The following IKZF2 variants were observed in gnomAD, a reference collection of about 807,000 sequenced individuals.
IKZF2 encodes the protein zinc finger protein Helios.
In IKZF2, 15 loss-of-function variants were observed where a neutral mutation model predicts 49.2. The observed-to-expected ratio is 0.30, with a 90% CI of 0.20 to 0.47. The LOEUF is 0.47. IKZF2 is among the 20% of genes least tolerant of loss of function. The probability of loss-of-function intolerance (pLI) is 1.00; values close to 1 mark genes in which losing one functional copy is unlikely to be tolerated. For synonymous variants in IKZF2, 227 were observed against 221.4 expected, an observed-to-expected ratio of 1.03 and a Z score of -0.23; for missense variants, 567 against 664.6, an observed-to-expected ratio of 0.85 and a Z score of 1.61.
intron 6 of IKZF2, among the ~76,000 whole-genome samples, chr2:213,025,409 G>A (rs536188190): frequency 4.6e-5 from 7 of 152,108 alleles, no homozygotes; most frequent in East Asian, 3.9e-4. Flanking sequence ...CAACCAAAAC[G>A]AAGAGCATCA....
At chr2:213,019,003 T>C (rs1384091500) in intron 7 of IKZF2, among the ~76,000 whole-genome samples, 1 of 152,140 alleles carries the variant, frequency 6.6e-6, no homozygotes, top group Admixed American at 6.6e-5. Context: ...AAGTATGTAT[T>C]TCCTACCAGA....
chr2:213,056,872 C>G lies in IKZF2; in HGVS notation c.367G>C (p.Gly123Arg). The change falls in exon 5 of 9, where the codon GGG (glycine) becomes CGG (arginine). Residue 123 changes from glycine (G) to arginine (R), a missense_variant. By Grantham distance (125) the Gly-to-Arg change is moderately radical. This residue lies in a region of IKZF2 where 54 missense variants were observed against 119.9 expected (regional missense o/e 0.45). Coordinates refer to ENST00000434687, the MANE Select transcript of IKZF2 (RefSeq NM_001387220.1). ...TTATGTACCATAAGCACATTGGGCC[C>G]AATGCAAACCATGCCACAGACGTCA... is the stretch of plus-strand genomic sequence containing the variant. ...KCDVCGMVCI[G>R]PNVLMVHKRS... 6.2e-7 allele frequency: 1 copy of G among 1,613,806 alleles called. No individual in the cohort carries two copies.
At chr2:213,068,404 AAATAAAGGT>A (rs1216853760) in intron 4 of IKZF2, among the ~76,000 whole-genome samples, 1 of 152,192 alleles carries the variant, frequency 6.6e-6, no homozygotes, top group Non-Finnish European at 1.5e-5. Flanking sequence ...CTTTTCTGTG[AAATAAAGGT>A]AATGCTACCG....
At chr2:213,132,626 T>C (rs2125903242) in intron 4 of IKZF2, among the ~76,000 whole-genome samples, 1 of 152,280 alleles carries the variant, frequency 6.6e-6, no homozygotes, top group African/African-American at 2.4e-5. Flanking sequence ...AGAGCTATAC[T>C]AGGAATTCAT....
chr2:213,015,076 A>G (rs1434491271), intron 7 of IKZF2: 2 of 152,072 alleles, frequency 1.3e-5, no homozygotes, highest in African/African-American at 4.8e-5. Flanking sequence ...AAAATAAGTG[A>G]GAAAGCAAGA....
chr2:213,129,396 G>T (rs2060392807), intron 4 of IKZF2, among the ~76,000 whole-genome samples: 2 of 150,126 alleles, frequency 1.3e-5, no homozygotes, highest in Non-Finnish European at 3.0e-5. Context: ...AGGCTTTCAT[G>T]CAAAACAAGG....
intron 7 of IKZF2, among the ~76,000 whole-genome samples, chr2:213,015,675 T>C (rs1304762434): frequency 6.6e-6 from 1 of 151,864 alleles, no homozygotes; most frequent in Non-Finnish European, 1.5e-5. Flanking sequence ...TACAAGCACT[T>C]ACTACATTAT....
chr2:213,008,260 ATT>A (rs202029776), intron 8 of IKZF2, among the ~76,000 whole-genome samples, 176 bp from the exon 9 acceptor site: 11 of 144,648 alleles, frequency 7.6e-5, no homozygotes, highest in Admixed American at 2.1e-4. Flanking sequence ...GCTCACACAC[ATT>A]TTTTTTTTTT....
At chr2:213,016,305 T>C (rs1574489136) in intron 7 of IKZF2, among the ~76,000 whole-genome samples, 1 of 152,246 alleles carries the variant, frequency 6.6e-6, no homozygotes, top group East Asian at 1.9e-4. Flanking sequence ...TACATCTAGT[T>C]AGTAGAGAAT....
chr2:213,056,039 A>G (rs1701121330), intron 5 of IKZF2, among the ~76,000 whole-genome samples: 1 of 152,116 alleles, frequency 6.6e-6, no homozygotes, highest in Non-Finnish European at 1.5e-5. Flanking sequence ...CGATCCTCCT[A>G]GCTTACCACT....
intron 4 of IKZF2, among the ~76,000 whole-genome samples, chr2:213,075,697 G>A (rs1703178661): frequency 6.6e-6 from 1 of 152,056 alleles, no homozygotes; most frequent in African/African-American, 2.4e-5. Flanking sequence ...GATATATACT[G>A]ACACAATAAC....
intron 4 of IKZF2, among the ~76,000 whole-genome samples, chr2:213,091,363 A>C (rs1373536403): frequency 6.6e-6 from 1 of 152,210 alleles, no homozygotes; most frequent in African/African-American, 2.4e-5. Context: ...GAAATGGAGA[A>C]ATATGTAGGA....
At chr2:213,136,048 C>CAA (rs534093528) in intron 4 of IKZF2, among the ~76,000 whole-genome samples, 69 of 105,440 alleles carry the variant, frequency 6.5e-4, no homozygotes, top group Admixed American at 3.5e-3. Flanking sequence ...GACTCCGTTT[C>CAA]AAAAAAAAAA....
intron 4 of IKZF2, among the ~76,000 whole-genome samples, chr2:213,057,682 G>A (rs879682085): frequency 6.6e-6 from 1 of 152,058 alleles, no homozygotes; most frequent in African/African-American, 2.4e-5. Flanking sequence ...ATTCAGTTTC[G>A]AGCTATATAA....
chr2:213,065,242 T>C (rs1702063710), intron 4 of IKZF2, among the ~76,000 whole-genome samples: 1 of 152,074 alleles, frequency 6.6e-6, no homozygotes. Flanking sequence ...CATGAGTGTT[T>C]TCTGAGCAAA....
chr2:213,038,247 G>C (rs922874652), intron 6 of IKZF2, among the ~76,000 whole-genome samples: 2 of 152,054 alleles, frequency 1.3e-5, no homozygotes, highest in Non-Finnish European at 2.9e-5. Flanking sequence ...TTTGAGTAGA[G>C]ACGGGGTTTC....
At chr2:213,082,575 G>A (rs1289533862) in intron 4 of IKZF2, among the ~76,000 whole-genome samples, 1 of 152,140 alleles carries the variant, frequency 6.6e-6, no homozygotes, top group South Asian at 2.1e-4. Flanking sequence ...AAGTTTATTG[G>A]ATTTAGAACT....
intron 4 of IKZF2, among the ~76,000 whole-genome samples, chr2:213,122,254 A>G (rs1304731644): frequency 6.6e-6 from 1 of 152,250 alleles, no homozygotes; most frequent in Non-Finnish European, 1.5e-5. Context: ...TGAAAAGCAG[A>G]GACTATTTTA....
intron 4 of IKZF2, among the ~76,000 whole-genome samples, chr2:213,131,780 C>T (rs2060480621): frequency 6.6e-6 from 1 of 152,092 alleles, no homozygotes; most frequent in Admixed American, 6.5e-5. Context: ...TCTCTGGTAT[C>T]CTCAACACAG....
Sources: gnomAD v4.1 joint callset for allele counts (sites outside exome capture counted in the v4.1 genomes callset) on GRCh38, gnomAD v4.1.1 for gene constraint, gnomAD v4.1.1 regional missense constraint, MANE v1.5 for transcripts, NCBI Gene and HGNC (gene_info 2026-07-23, HGNC 2026-07-21) for gene names.